PSIP1: variants seen among roughly 807,000 people sequenced by gnomAD.
PSIP1 encodes PC4 and SFRS1-interacting protein.
In PSIP1, 19 loss-of-function variants were observed where a neutral mutation model predicts 74.7. The observed-to-expected ratio is 0.25, with a 90% CI of 0.18 to 0.37. PSIP1 has a LOEUF of 0.37. Among genes scored for constraint, PSIP1 ranks in the 10% least tolerant of loss-of-function variants. PSIP1 has a pLI of 1.00. For missense variants in PSIP1, 601 were observed against 614.3 expected (o/e 0.98, Z 0.23); for synonymous variants, 222 against 195.3 (o/e 1.14, Z -1.14).
chr9:15,493,677 G>C (rs952240468), intron 3 of PSIP1, among the ~76,000 whole-genome samples: 1 of 152,198 alleles, frequency 6.6e-6, no homozygotes, highest in Non-Finnish European at 1.5e-5. Flanking sequence ...AATCACGGCA[G>C]AAGGTACCTC....
In PSIP1 at chr9:15,469,995, T is replaced by TATCA. The variant is rs1249858348; in HGVS notation, c.978-6_978-3dup. On this transcript the variant is annotated splice_polypyrimidine_tract_variant and splice_region_variant and intron_variant, in intron 10 of 15. Transcript: ENST00000380733. ...TTCTTTCCTTCATCTTTATTCTGCCTATCAAATGTTAACAAAAATATTTCA... is the reference window on the plus strand; with the variant it reads ...TTCTTTCCTTCATCTTTATTCTGCCTATCAATCAAATGTTAACAAAAATATTTCA... 1.9e-6 allele frequency: 3 copies of TATCA among 1,602,978 alleles called. No homozygotes were observed. Among genetic ancestry groups the TATCA allele is most frequent in the Non-Finnish European group, 2.6e-6 (3 of 1,175,452 alleles).
At chr9:15,466,240 G>A (rs990045886) in intron 15 of PSIP1, among the ~76,000 whole-genome samples, 5 of 152,150 alleles carry the variant, frequency 3.3e-5, no homozygotes, top group Non-Finnish European at 5.9e-5. Context: ...TTAGATGGGC[G>A]TGGTGGCAGG....
intron 3 of PSIP1, among the ~76,000 whole-genome samples, chr9:15,495,454 C>G (rs58472071): frequency 6.6e-6 from 1 of 151,872 alleles, no homozygotes. Context: ...CTATTACTGA[C>G]GGTTATGTAA....
At chr9:15,499,128 G>A (rs752608879) in intron 3 of PSIP1, among the ~76,000 whole-genome samples, 1 of 152,104 alleles carries the variant, frequency 6.6e-6, no homozygotes, top group Admixed American at 6.6e-5. Flanking sequence ...CTCAGGCAAG[G>A]TCACCTACCT....
At chr9:15,499,292 A>C (rs1231606678) in intron 3 of PSIP1, among the ~76,000 whole-genome samples, 1 of 152,236 alleles carries the variant, frequency 6.6e-6, no homozygotes, top group Non-Finnish European at 1.5e-5. Flanking sequence ...CCAATGTCAA[A>C]GCTTGTAAGA....
At chr9:15,486,170 G>C in intron 5 of PSIP1, 102 bp from the exon 6 acceptor site, 3 of 946,952 alleles carry the variant, frequency 3.2e-6, no homozygotes, top group Non-Finnish European at 4.8e-6. Context: ...TGAAAGCATT[G>C]GGGAAATCTG....
At chr9:15,504,554 G>A (rs1204619682) in intron 3 of PSIP1, among the ~76,000 whole-genome samples, 1 of 151,974 alleles carries the variant, frequency 6.6e-6, no homozygotes, top group Admixed American at 6.6e-5. Flanking sequence ...TGGCTAACAC[G>A]GTGAAACCCC....
chr9:15,497,108 A>G (rs1437795083), intron 3 of PSIP1, among the ~76,000 whole-genome samples: 3 of 152,230 alleles, frequency 2.0e-5, no homozygotes, highest in African/African-American at 7.2e-5. Context: ...TTGGACACAA[A>G]TGTTCACAGC....
intron 3 of PSIP1, chr9:15,506,040 C>A (rs1488108522): frequency 3.9e-5 from 6 of 152,126 alleles, no homozygotes; most frequent in African/African-American, 1.5e-4. Context: ...TAACATACGT[C>A]AACATTCAGC....
intron 7 of PSIP1, 150 bp from the exon 8 acceptor site, chr9:15,478,702 C>G (rs1231193333): frequency 3.7e-6 from 2 of 541,124 alleles, no homozygotes; most frequent in South Asian, 3.2e-5. Flanking sequence ...AAAATAATAC[C>G]TCCCCCACCA....
At position 15,468,650 on chromosome 9, in the gene PSIP1, T is replaced by C; in HGVS notation, c.1400A>G (p.Lys467Arg). ...KDQGKKGPNKKLEKEQTGSKT... is the reference protein window; with the variant it reads ...KDQGKKGPNKRLEKEQTGSKT... ...CATACCTGTTTGTTCCTTCTCTAGC[T>C]TTTTGTTTGGCCCTTTCTTCCCTTG... is the stretch of plus-strand genomic sequence containing the variant. Residue 467 changes from lysine (K) to arginine (R), a missense_variant, in exon 14 of 16, where the codon AAG (lysine) becomes AGG (arginine). By Grantham distance (26) the Lys-to-Arg change is conservative (BLOSUM62 2). Around this residue, in one of 2 missense-constraint regions of PSIP1, gnomAD observed 538 missense variants for 507.6 expected, o/e 1.06. Transcript: ENST00000380733. 6.2e-7 allele frequency: 1 copy of C among 1,614,118 alleles called. No homozygotes were observed. The highest frequency in any genetic ancestry group is 2.2e-5 in the East Asian group (1 of 44,870).
At chr9:15,510,075 G>C in intron 2 of PSIP1, 42 bp downstream of exon 2, 1 of 1,556,782 alleles carries the variant, frequency 6.4e-7, no homozygotes, top group Non-Finnish European at 8.8e-7. Context: ...CCTCTGGAGA[G>C]GAGGGTAGCA....
chr9:15,477,430 A>G (rs1821551170), intron 8 of PSIP1, among the ~76,000 whole-genome samples: 1 of 152,176 alleles, frequency 6.6e-6, no homozygotes, highest in African/African-American at 2.4e-5. Context: ...GTAAATACAG[A>G]CTGGCAGTGA....
At chr9:15,465,915 A>G (rs559781458) in intron 15 of PSIP1, 7 of 212,076 alleles carry the variant, frequency 3.3e-5, no homozygotes, top group Middle Eastern at 1.7e-3. Context: ...TGATACCAAC[A>G]TATTTCAAAA....
In PSIP1 at chr9:15,478,729, C is replaced by A. The variant is rs1037322553; in HGVS notation, c.554-177G>T. Among the ~76,000 whole-genome samples, 3 of 151,832 alleles carry A rather than the reference C, an allele frequency of 2.0e-5. No homozygotes were observed. In the South Asian group the frequency reaches 6.2e-4, roughly 31 times the overall value. ...CCCCCACCATGGTTAAAATGAGCAA[C>A]AACAAAAAATTTATAAAGAGGTAAA... On this transcript the variant is annotated intron_variant, in intron 7 of 15. Transcript: ENST00000380733.
intron 2 of PSIP1, 100 bp downstream of exon 2, chr9:15,510,017 G>C: frequency 1.7e-6 from 2 of 1,201,914 alleles, no homozygotes; most frequent in Admixed American, 4.3e-5. Flanking sequence ...CTAAAGCGAG[G>C]GAGAGAAAGG....
intron 8 of PSIP1, among the ~76,000 whole-genome samples, chr9:15,477,794 A>G (rs1426659673): frequency 2.0e-5 from 3 of 152,104 alleles, no homozygotes; most frequent in African/African-American, 7.2e-5. Flanking sequence ...ACATACAAAA[A>G]TTATTTTAGC....
rs200805052 is a variant in PSIP1, at chr9:15,472,768, A to T, written c.859-18T>A. On this transcript the variant is annotated intron_variant, in intron 9 of 15. Transcript: ENST00000380733. ...TTTCTCTTCTGTTTTGAGAATTAGG[A>T]TGGTTTTATTTAACTATAAAGTCAG... 3.8e-6 allele frequency: 6 copies of T among 1,593,486 alleles called. No individual in the cohort carries two copies. In the Admixed American group the frequency reaches 7.2e-5, roughly 19 times the overall value.
At chr9:15,478,184 T>G (rs1320305475) in intron 8 of PSIP1, among the ~76,000 whole-genome samples, 2 of 150,824 alleles carry the variant, frequency 1.3e-5, no homozygotes, top group Non-Finnish European at 3.0e-5. Flanking sequence ...TATTCTAAAA[T>G]TCCTGAAACA....
Sources: allele counts gnomAD v4.1 joint callset (sites outside exome capture counted in the v4.1 genomes callset), GRCh38; gene constraint gnomAD v4.1.1; regional missense constraint gnomAD v4.1.1; transcripts MANE v1.5; gene names NCBI Gene and HGNC (gene_info 2026-07-23, HGNC 2026-07-21).